PRRG1: variants seen among roughly 807,000 people sequenced by gnomAD.
PRRG1 encodes proline rich and Gla domain 1.
PRRG1 carries 5 observed loss-of-function variants against 11.8 expected under a neutral mutation model. The ratio of observed to expected loss-of-function variants is 0.42; its 90% confidence interval spans 0.22 to 0.89. PRRG1 has a LOEUF of 0.89. Ranked by LOEUF, PRRG1 falls within the 40% of genes least tolerant of loss-of-function variation. PRRG1 has a pLI of 0.28. For missense variants in PRRG1, 155 were observed against 166.1 expected (o/e 0.93, Z 0.37); for synonymous variants, 66 against 60.4 (o/e 1.09, Z -0.43).
chrX:37,451,448 C>T (rs1450889871), intron 3 of PRRG1, among the ~76,000 whole-genome samples: 1 of 112,579 alleles, frequency 8.9e-6, no homozygotes, highest in Admixed American at 9.4e-5. Context: ...AGTCTTCATA[C>T]ATCTATATTT....
intron 2 of PRRG1, among the ~76,000 whole-genome samples, chrX:37,409,584 T>C (rs1932298760): frequency 8.9e-6 from 1 of 112,567 alleles, no homozygotes; most frequent in Non-Finnish European, 1.9e-5. Context: ...ATTTGTAATA[T>C]CCTGAATCTC....
intron 3 of PRRG1, among the ~76,000 whole-genome samples, chrX:37,436,888 T>C (rs1556392131): frequency 8.9e-6 from 1 of 112,334 alleles, no homozygotes; most frequent in East Asian, 2.8e-4. Flanking sequence ...AGACCCTCCT[T>C]GGGGAACCAA....
intron 1 of PRRG1, among the ~76,000 whole-genome samples, chrX:37,374,154 C>T (rs1930860768): frequency 1.8e-5 from 2 of 111,577 alleles, no homozygotes; most frequent in African/African-American, 6.5e-5. Flanking sequence ...TTTAAATATG[C>T]TATTGAATTC....
intron 1 of PRRG1, among the ~76,000 whole-genome samples, chrX:37,363,048 A>G (rs1203944392): frequency 8.9e-6 from 1 of 111,984 alleles, no homozygotes; most frequent in Non-Finnish European, 1.9e-5. Context: ...ACGAATGACA[A>G]CAATAATAAT....
intron 2 of PRRG1, chrX:37,425,614 A>G: frequency 3.1e-6 from 1 of 322,435 alleles, no homozygotes; most frequent in Non-Finnish European, 5.5e-6. Context: ...AATATAACAT[A>G]GTTAATTATG....
intron 3 of PRRG1, 118 bp downstream of exon 3, chrX:37,426,118 A>T: frequency 2.5e-6 from 2 of 801,708 alleles, no homozygotes; most frequent in South Asian, 3.3e-5. Flanking sequence ...TTTGTTAGGA[A>T]CTCGGAAAAT....
chrX:37,457,103 A>G lies in PRRG1; in HGVS notation c.*3482A>G, dbSNP rs1921385387. 1 of 112,689 alleles carries G rather than the reference A, an allele frequency of 8.9e-6. No individual in the cohort carries two copies. Among genetic ancestry groups the G allele is most frequent in the Admixed American group, 9.4e-5 (1 of 10,632 alleles). 9.3% of individuals were successfully genotyped at this position (112,689 alleles called of 1,213,427 possible). A position where few individuals can be genotyped will look rare whatever the true frequency, so the allele number is the denominator to read the frequency against. On this transcript the variant is annotated 3_prime_UTR_variant, in exon 4 of 4. Transcript: ENST00000378628. ...ACTTCAAGATTGATGATGTGATCCA[A>G]TAACTGTGGAGGTAGCTTTAACTTG...
intron 3 of PRRG1, among the ~76,000 whole-genome samples, chrX:37,452,541 C>A (rs960507480): frequency 8.9e-6 from 1 of 112,175 alleles, no homozygotes; most frequent in Non-Finnish European, 1.9e-5. Flanking sequence ...AGCCTGAGGT[C>A]TCTCCTAGGA....
chrX:37,351,592 G>A (rs183614508), intron 1 of PRRG1, among the ~76,000 whole-genome samples: 1 of 112,386 alleles, frequency 8.9e-6, no homozygotes, highest in East Asian at 2.8e-4. Flanking sequence ...TTCTGAAATT[G>A]TATTTAATAT....
intron 1 of PRRG1, among the ~76,000 whole-genome samples, chrX:37,377,480 T>TTTTATA (rs1931011844): frequency 1.8e-5 from 2 of 112,146 alleles, no homozygotes; most frequent in African/African-American, 6.5e-5. Context: ...GGGGTTAAGA[T>TTTTATA]GTTCAGCAGA....
At chrX:37,374,205 C>T (rs782056009) in intron 1 of PRRG1, among the ~76,000 whole-genome samples, 2 of 111,361 alleles carry the variant, frequency 1.8e-5, no homozygotes, top group African/African-American at 3.3e-5. Flanking sequence ...CATTTGTGTT[C>T]GTCAGGGATA....
rs782315235 is a variant in PRRG1 at position 37,455,877 on chromosome X, T to G, written c.*2256T>G. The G allele has an allele frequency of 5.4e-5, 6 of 112,021 alleles. No homozygotes were observed. The highest frequency in any genetic ancestry group is 1.9e-4 in the African/African-American group (6 of 30,861). The allele number at this position is 112,021 out of a possible 1,213,427, so 9.2% of individuals were successfully genotyped here. On this transcript the variant is annotated 3_prime_UTR_variant, in exon 4 of 4. Transcript: ENST00000378628. ...TTGTCTTTAATGTCAGGCTTTAGAT[T>G]AGACCAGCAGTTTTCAAAGTATGGC...
intron 3 of PRRG1, 56 bp from the exon 4 acceptor site, chrX:37,453,080 T>C: frequency 9.2e-7 from 1 of 1,088,932 alleles, no homozygotes; most frequent in Non-Finnish European, 1.2e-6. Flanking sequence ...ATTCATCTGG[T>C]ATTTTCCATC....
At chrX:37,411,681 T>C (rs1161216899) in intron 2 of PRRG1, among the ~76,000 whole-genome samples, 1 of 112,029 alleles carries the variant, frequency 8.9e-6, no homozygotes, top group Non-Finnish European at 1.9e-5. Context: ...TATGAAGTTA[T>C]TAATGGCTAT....
intron 2 of PRRG1, among the ~76,000 whole-genome samples, chrX:37,412,740 A>G (rs936215062): frequency 2.1e-4 from 23 of 111,242 alleles, no homozygotes; most frequent in Admixed American, 4.8e-4. Flanking sequence ...TAAAAAACTC[A>G]TTATAGTGCT....
At position 37,408,824 on chromosome X, in the gene PRRG1, C is replaced by T. The variant is rs115050729; in HGVS notation, c.10+2565C>T. Reference sequence around the variant, plus strand: ...TGGAGAATGTTCTGGTTGTTGGATACTGCTATAGCCATATAGAGGAGAGAG... The same window carrying T: ...TGGAGAATGTTCTGGTTGTTGGATATTGCTATAGCCATATAGAGGAGAGAG... On this transcript the variant is annotated intron_variant, in intron 2 of 3. Transcript: ENST00000378628. 6.8e-3 allele frequency among the ~76,000 whole-genome samples: 699 copies of T among 103,207 alleles called. 11 individuals are homozygous for T. Among genetic ancestry groups the T allele is most frequent in the African/African-American group, 0.024 (670 of 28,142 alleles). 89.6% of individuals were successfully genotyped at this position (103,207 alleles called of 115,157 possible). A position where few individuals can be genotyped will look rare whatever the true frequency, so the allele number is the denominator to read the frequency against.
At chrX:37,354,685 G>A (rs1310484548) in intron 1 of PRRG1, among the ~76,000 whole-genome samples, 1 of 110,862 alleles carries the variant, frequency 9.0e-6, no homozygotes, top group African/African-American at 3.3e-5. Flanking sequence ...GAGCCACCAC[G>A]CCCGGCCGGT....
At chrX:37,357,273 TG>T (rs1365829967) in intron 1 of PRRG1, among the ~76,000 whole-genome samples, 2 of 112,236 alleles carry the variant, frequency 1.8e-5, no homozygotes, top group Non-Finnish European at 3.8e-5. Flanking sequence ...AATACTCCAT[TG>T]GATGTACCAC....
chrX:37,402,834 C>T (rs782215412), intron 1 of PRRG1, among the ~76,000 whole-genome samples: 3,077 of 111,482 alleles, frequency 0.028, 103 homozygotes, highest in African/African-American at 0.094. Flanking sequence ...TGAACAGACA[C>T]TTCTCAAAAG....
Sources: gnomAD v4.1 joint callset for allele counts (sites outside exome capture counted in the v4.1 genomes callset) on GRCh38, gnomAD v4.1.1 for gene constraint, MANE v1.5 for transcripts, NCBI Gene and HGNC (gene_info 2026-07-23, HGNC 2026-07-21) for gene names.